Variants in ANKS1B observed in about 807,000 individuals in gnomAD.
ANKS1B encodes the protein ankyrin repeat and sterile alpha motif domain-containing protein 1B.
Under a neutral mutation model 148.3 loss-of-function variants are expected in ANKS1B, and 36 were observed. The observed-to-expected ratio is 0.24, with a 90% CI of 0.19 to 0.32. The LOEUF (loss-of-function observed/expected upper bound fraction) is 0.32, where lower values mean the gene tolerates loss of function less well. Among genes scored for constraint, ANKS1B ranks in the 10% least tolerant of loss-of-function variants. The pLI is 1.00. For synonymous variants in ANKS1B, 542 were observed against 560.8 expected (o/e 0.97, Z 0.47); for missense variants, 1,157 against 1,542.6 (o/e 0.75, Z 4.19).
intron 12 of ANKS1B, among the ~76,000 whole-genome samples, chr12:99,325,681 C>T (rs879397294): frequency 1.3e-5 from 2 of 152,018 alleles, no homozygotes; most frequent in Non-Finnish European, 2.9e-5. Context: ...CGGAAATTTT[C>T]AATAAGTCGG....
chr12:99,072,095 A>T (rs2046463543), intron 16 of ANKS1B, among the ~76,000 whole-genome samples: 1 of 152,176 alleles, frequency 6.6e-6, no homozygotes, highest in Non-Finnish European at 1.5e-5. Flanking sequence ...CCAGTTTCTT[A>T]TCTAGAAAAT....
Position 99,194,757 on chromosome 12 carries a change from T to C in ANKS1B, c.2420-40362A>G, listed in dbSNP as rs1399255752. The stretch of plus-strand genomic sequence containing the variant: ...TACTGTAATGGTATTTTGGTTATTT[T>C]TTAAAGTTGTTATTTTTACATGCAA... On this transcript the variant is annotated intron_variant, in intron 14 of 26. Coordinates refer to ENST00000683438, the MANE Select transcript of ANKS1B (RefSeq NM_001352186.2). Among the ~76,000 whole-genome samples the C allele has an allele frequency of 2.0e-5, 3 of 152,164 alleles. No homozygotes were observed. In the East Asian group the frequency reaches 5.8e-4, roughly 29 times the overall value.
At chr12:99,631,099 C>T (rs2098155824) in intron 9 of ANKS1B, among the ~76,000 whole-genome samples, 1 of 152,108 alleles carries the variant, frequency 6.6e-6, no homozygotes, top group African/African-American at 2.4e-5. Context: ...GATTGTGAGG[C>T]CTCCCCAGCC....
At chr12:98,868,419 C>T (rs1320841146) in intron 17 of ANKS1B, among the ~76,000 whole-genome samples, 3 of 152,132 alleles carry the variant, frequency 2.0e-5, no homozygotes, top group African/African-American at 7.2e-5. Context: ...AAATCTTTTG[C>T]AGGATGCACA....
chr12:99,153,350 G>C (rs2075425463), intron 15 of ANKS1B, among the ~76,000 whole-genome samples: 1 of 152,114 alleles, frequency 6.6e-6, no homozygotes, highest in East Asian at 1.9e-4. Context: ...ATTTCCACAA[G>C]TCATTTGTGT....
intron 25 of ANKS1B, among the ~76,000 whole-genome samples, chr12:98,769,804 T>C (rs2153469891): frequency 6.6e-6 from 1 of 152,314 alleles, no homozygotes; most frequent in African/African-American, 2.4e-5. Context: ...GCTGCAATAC[T>C]TAGGAAAAAG....
At chr12:98,834,842 T>C (rs1326098528) in intron 17 of ANKS1B, among the ~76,000 whole-genome samples, 1 of 152,172 alleles carries the variant, frequency 6.6e-6, no homozygotes, top group African/African-American at 2.4e-5. Context: ...CAAGACCAAA[T>C]AATTCCTCCA....
chr12:99,550,940 A>T (rs562601641), intron 9 of ANKS1B, among the ~76,000 whole-genome samples: 21 of 152,246 alleles, frequency 1.4e-4, no homozygotes, highest in African/African-American at 4.8e-4. Flanking sequence ...TTTGATCATT[A>T]ATTTAAGTGT....
intron 1 of ANKS1B, among the ~76,000 whole-genome samples, chr12:99,949,904 G>GA (rs34035286): frequency 3.3e-4 from 50 of 150,222 alleles, no homozygotes; most frequent in East Asian, 1.6e-3. Context: ...GTGCTTTACA[G>GA]AAAAAAAAAA....
At chr12:99,875,976 T>C (rs926398033) in intron 1 of ANKS1B, among the ~76,000 whole-genome samples, 11 of 152,194 alleles carry the variant, frequency 7.2e-5, no homozygotes, top group Non-Finnish European at 1.0e-4. Context: ...AAAAGAATCA[T>C]ACATTTTCAA....
At chr12:99,102,101 G>A (rs2058080716) in intron 15 of ANKS1B, among the ~76,000 whole-genome samples, 1 of 152,154 alleles carries the variant, frequency 6.6e-6, no homozygotes, top group Admixed American at 6.5e-5. Context: ...GGAAAAGAGG[G>A]AGAGTGTGTC....
intron 9 of ANKS1B, among the ~76,000 whole-genome samples, chr12:99,556,089 T>C (rs1284866208): frequency 2.6e-5 from 4 of 152,172 alleles, no homozygotes; most frequent in Non-Finnish European, 5.9e-5. Context: ...GGTAGGCTTT[T>C]GGTTACTGAT....
intron 17 of ANKS1B, 46 bp from the exon 18 acceptor site, chr12:98,832,182 T>C (rs560519175): frequency 2.1e-6 from 3 of 1,399,952 alleles, no homozygotes; most frequent in Non-Finnish European, 2.9e-6. Context: ...GGAGAACAAA[T>C]AATTTTTATA....
intron 1 of ANKS1B, among the ~76,000 whole-genome samples, chr12:99,901,375 CCCA>C (rs1012373189): frequency 3.3e-5 from 5 of 152,144 alleles, no homozygotes; most frequent in Non-Finnish European, 7.3e-5. Flanking sequence ...GCCAGCTGTC[CCCA>C]CAATTTCGTT....
At chr12:99,075,477 G>C (rs2047551994) in intron 16 of ANKS1B, among the ~76,000 whole-genome samples, 1 of 152,136 alleles carries the variant, frequency 6.6e-6, no homozygotes, top group Admixed American at 6.6e-5. Flanking sequence ...TTGTTACAGT[G>C]GCTAGGTTCA....
chr12:98,848,756 T>TTTTTTTTTTTTTTA (rs1567129301), intron 17 of ANKS1B, among the ~76,000 whole-genome samples: 46 of 140,588 alleles, frequency 3.3e-4, no homozygotes, highest in South Asian at 7.2e-4. Context: ...TTTTTTTTTT[T>TTTTTTTTTTTTTTA]GAGACGGAGT....
At chr12:98,796,789 G>GT (rs1212973640) in intron 22 of ANKS1B, among the ~76,000 whole-genome samples, 1 of 152,026 alleles carries the variant, frequency 6.6e-6, no homozygotes, top group Non-Finnish European at 1.5e-5. Flanking sequence ...CTAAATATAT[G>GT]TTTTTTTCTA....
intron 14 of ANKS1B, among the ~76,000 whole-genome samples, chr12:99,235,910 A>G (rs10860405): frequency 0.065 from 9,887 of 152,198 alleles, 635 homozygotes; most frequent in East Asian, 0.24. Context: ...AGTGATTGCA[A>G]TGTTACTTCT....
intron 1 of ANKS1B, among the ~76,000 whole-genome samples, chr12:99,940,661 A>G (rs932151949): frequency 7.9e-5 from 12 of 152,190 alleles, no homozygotes; most frequent in African/African-American, 2.7e-4. Context: ...ACTTGCTATG[A>G]GAAAGATACT....
Sources: allele counts gnomAD v4.1 joint callset (sites outside exome capture counted in the v4.1 genomes callset), GRCh38; gene constraint gnomAD v4.1.1; transcripts MANE v1.5; gene names NCBI Gene and HGNC (gene_info 2026-07-23, HGNC 2026-07-21).